Variants in KANTR observed in about 807,000 individuals in gnomAD.
KANTR encodes KANTR integral membrane protein.
downstream of KANTR, chrX:53,143,792 G>C: frequency 3.9e-6 from 2 of 513,782 alleles, no homozygotes; most frequent in Non-Finnish European, 7.2e-6. Context: ...ATCACACCCT[G>C]GTGCCGGGGT....
chrX:53,116,073 T>C (rs950752756), intron 2 of KANTR, among the ~76,000 whole-genome samples: 3 of 111,919 alleles, frequency 2.7e-5, no homozygotes, highest in Admixed American at 9.5e-5. Context: ...GTGGATTTGG[T>C]CTCCCCCTGC....
At chrX:53,142,792 C>T, downstream of KANTR, 2 of 468,260 alleles carry the variant, frequency 4.3e-6, no homozygotes, top group Non-Finnish European at 3.9e-6. Flanking sequence ...ATCATACATA[C>T]CTGATGGCTA....
intron 1 of KANTR, chrX:53,094,497 G>A: frequency 8.8e-6 from 1 of 113,569 alleles, no homozygotes; most frequent in Non-Finnish European, 1.9e-5. Flanking sequence ...CGGAGCGGTC[G>A]GTGCCCGTTG....
At chrX:53,107,845 C>T (rs1438551497) in intron 2 of KANTR, among the ~76,000 whole-genome samples, 2 of 110,339 alleles carry the variant, frequency 1.8e-5, no homozygotes, top group Admixed American at 9.6e-5. Context: ...CAGCCTTGAA[C>T]TCATGGGATT....
At chrX:53,145,552 C>T (rs981611909), downstream of KANTR, among the ~76,000 whole-genome samples, 52 of 112,232 alleles carry the variant, frequency 4.6e-4, no homozygotes, top group Middle Eastern at 4.6e-3. Context: ...CTGCCTGTCT[C>T]TGTAGACTCC....
downstream of KANTR, among the ~76,000 whole-genome samples, chrX:53,144,241 A>C (rs782454362): frequency 1.8e-5 from 2 of 111,440 alleles, no homozygotes; most frequent in South Asian, 7.5e-4. Context: ...CTAAAAATTC[A>C]AAAATCAGCC....
intron 1 of KANTR, among the ~76,000 whole-genome samples, chrX:53,099,208 T>A (rs1454949411): frequency 9.0e-6 from 1 of 110,782 alleles, no homozygotes; most frequent in East Asian, 2.8e-4. Flanking sequence ...TTGTCTCTAC[T>A]AAATATACAG....
At chrX:53,108,912 G>C (rs1489764638) in intron 2 of KANTR, among the ~76,000 whole-genome samples, 1 of 111,472 alleles carries the variant, frequency 9.0e-6, no homozygotes, top group African/African-American at 3.3e-5. Flanking sequence ...ATGTTGTCCA[G>C]GCTGGTCTCA....
intron 2 of KANTR, among the ~76,000 whole-genome samples, chrX:53,108,972 G>A (rs1932990775): frequency 8.9e-6 from 1 of 112,278 alleles, no homozygotes; most frequent in African/African-American, 3.2e-5. Context: ...AAAGTGCTGG[G>A]ATTACCAGCT....
chrX:53,143,241 G>T, downstream of KANTR: 1 of 621,003 alleles, frequency 1.6e-6, no homozygotes, highest in Non-Finnish European at 2.7e-6. Flanking sequence ...TGTGGCAGTG[G>T]CCATCTCCTG....
rs782179959 is a variant in KANTR, at chrX:53,140,450, A to G, written n.204-1398A>G. On this transcript the variant is annotated intron_variant and non_coding_transcript_variant, in intron 2 of 2. Transcript: ENST00000366185. ...CAGGAGGCAGAGGTTGCAGTGAGCC[A>G]AGATCACACTACTGCCCTCCAGCCT... Among the ~76,000 whole-genome samples the G allele has an allele frequency of 8.5e-5, 9 of 106,009 alleles. No homozygotes were observed. In the South Asian group the frequency reaches 3.1e-3, roughly 36 times the overall value. The allele number at this position is 106,009 out of a possible 115,157, so 92.1% of individuals were successfully genotyped here. A position where few individuals can be genotyped will look rare whatever the true frequency, so the allele number is the denominator to read the frequency against.
At chrX:53,097,352 T>G (rs1189048860) in intron 1 of KANTR, among the ~76,000 whole-genome samples, 4 of 81,410 alleles carry the variant, frequency 4.9e-5, no homozygotes, top group African/African-American at 1.6e-4. Context: ...TGTTTTAAGT[T>G]TTTTTTTTTT....
chrX:53,101,186 A>C (rs1306791271), intron 2 of KANTR, among the ~76,000 whole-genome samples: 3 of 113,110 alleles, frequency 2.7e-5, no homozygotes, highest in Non-Finnish European at 3.7e-5. Context: ...TTCCTTCAAA[A>C]ACTTTTCCTT....
At chrX:53,098,470 C>T (rs983338614) in intron 1 of KANTR, among the ~76,000 whole-genome samples, 19 of 111,112 alleles carry the variant, frequency 1.7e-4, no homozygotes, top group African/African-American at 4.9e-4. Context: ...TTTGGCACGT[C>T]GACTCTTCCT....
intron 2 of KANTR, among the ~76,000 whole-genome samples, chrX:53,132,826 A>G (rs1933375360): frequency 8.9e-6 from 1 of 111,849 alleles, no homozygotes; most frequent in Non-Finnish European, 1.9e-5. Flanking sequence ...GGACCTCTTA[A>G]CCTTTAGACC....
chrX:53,143,152 C>T (rs1333755592), downstream of KANTR: 4 of 987,613 alleles, frequency 4.1e-6, no homozygotes, highest in Non-Finnish European at 4.3e-6. Flanking sequence ...CTGCAGACAC[C>T]AGAACCACTT....
At chrX:53,110,995 C>T (rs1280701944) in intron 2 of KANTR, among the ~76,000 whole-genome samples, 1 of 108,741 alleles carries the variant, frequency 9.2e-6, no homozygotes, top group Non-Finnish European at 1.9e-5. Flanking sequence ...ACTGATATTA[C>T]TTCTTTATTT....
At chrX:53,136,364 G>A (rs1487864255) in intron 2 of KANTR, among the ~76,000 whole-genome samples, 1 of 107,900 alleles carries the variant, frequency 9.3e-6, no homozygotes, top group Non-Finnish European at 1.9e-5. Context: ...TCAGCCTCCC[G>A]AGTAGCTAGG....
chrX:53,096,004 A>G lies in KANTR; in HGVS notation c.-942+1720A>G, dbSNP rs189397268. 1.7e-3 allele frequency among the ~76,000 whole-genome samples: 184 copies of G among 110,622 alleles called. 2 individuals are homozygous for G. Among genetic ancestry groups the G allele is most frequent in the Non-Finnish European group, 2.8e-3 (146 of 52,887 alleles). ...GCCTCAGGGGTTTTGCATTCCGTGT[A>G]TCTGGAATGCTCTTTCCTCAAATAC... On this transcript the variant is annotated intron_variant, in intron 1 of 2. Coordinates refer to ENST00000604062, the Ensembl canonical transcript of KANTR.
Sources: allele counts gnomAD v4.1 joint callset (sites outside exome capture counted in the v4.1 genomes callset), GRCh38; gene constraint gnomAD v4.1.1; transcripts MANE v1.5; gene names NCBI Gene and HGNC (gene_info 2026-07-23, HGNC 2026-07-21).